NRCAM: variants seen among roughly 807,000 people sequenced by gnomAD.
The protein encoded by NRCAM is NgCAM-related cell adhesion molecule.
In NRCAM, 83 loss-of-function variants were observed where a neutral mutation model predicts 156.5. That is an observed-to-expected ratio of 0.53 (90% CI 0.44 to 0.64). The LOEUF (loss-of-function observed/expected upper bound fraction) is 0.64. Among genes scored for constraint, NRCAM ranks in the 30% least tolerant of loss-of-function variants. The pLI is 0.00. For synonymous variants in NRCAM, 538 were observed against 563.9 expected, an observed-to-expected ratio of 0.95 and a Z score of 0.65; for missense variants, 1,417 against 1,597.3, an observed-to-expected ratio of 0.89 and a Z score of 1.92.
rs1278212215 is a variant in NRCAM at position 108,147,868 on chromosome 7, A to T, written c.*2042T>A. 6.5e-6 allele frequency: 1 copy of T among 152,682 alleles called. No homozygotes were observed. Among genetic ancestry groups the T allele is most frequent in the African/African-American group, 2.4e-5 (1 of 41,460 alleles). 9.5% of individuals were successfully genotyped at this position (152,682 alleles called of 1,614,324 possible). On this transcript the variant is annotated 3_prime_UTR_variant, in exon 33 of 33. Coordinates refer to ENST00000379028, the MANE Select transcript of NRCAM (RefSeq NM_001037132.4). ...TGCACAGATAAATTTCGCATCTACC[A>T]GTATGGAAGAGGAAAAAATGTAGTT...
chr7:108,220,338 A>G (rs1204355125), intron 11 of NRCAM, among the ~76,000 whole-genome samples: 1 of 152,192 alleles, frequency 6.6e-6, no homozygotes, highest in Non-Finnish European at 1.5e-5. Context: ...ACAGAATTAG[A>G]AAAAAACATT....
chr7:108,281,934 G>A (rs1265268140), intron 3 of NRCAM, among the ~76,000 whole-genome samples: 2 of 152,222 alleles, frequency 1.3e-5, no homozygotes, highest in African/African-American at 4.8e-5. Context: ...TCCAGGAGCA[G>A]AACTGCCCCA....
intron 5 of NRCAM, 195 bp from the exon 6 acceptor site, chr7:108,234,883 A>G: frequency 1.4e-6 from 1 of 737,854 alleles, no homozygotes; most frequent in Non-Finnish European, 2.5e-6. Context: ...GTCAAGGTTT[A>G]ACTTTCTTTC....
chr7:108,306,586 T>A (rs1414061765), intron 3 of NRCAM, among the ~76,000 whole-genome samples: 1 of 152,210 alleles, frequency 6.6e-6, no homozygotes, highest in Non-Finnish European at 1.5e-5. Flanking sequence ...AGAAGTCTTA[T>A]GTCTCAAATT....
chr7:108,179,151 G>T (rs2062173209), intron 25 of NRCAM, among the ~76,000 whole-genome samples: 1 of 152,086 alleles, frequency 6.6e-6, no homozygotes, highest in African/African-American at 2.4e-5. Flanking sequence ...AACACTCCCT[G>T]GAAAAATATA....
chr7:108,190,914 A>G (rs1194574145), intron 19 of NRCAM, among the ~76,000 whole-genome samples: 1 of 152,194 alleles, frequency 6.6e-6, no homozygotes, highest in African/African-American at 2.4e-5. Flanking sequence ...TATTAGAAAT[A>G]GCTTTTTCAT....
rs775299945 is a variant in NRCAM, at chr7:108,207,533, A to G, written c.1202T>C (p.Ile401Thr). The G allele has an allele frequency of 2.5e-6, 4 of 1,613,880 alleles. No homozygotes were observed. The South Asian group carries it at 3.3e-5, about 13-fold the overall frequency. ...RISWLTNGVP[I>T]EIAPDDPSRK... ...AACCACTCAAGGCAACTTACTTTCT[A>G]TTGGGACTCCATTTGTTAACCAGCT... The change falls in exon 13 of 33, where the codon ATA becomes ACA. Residue 401 changes from isoleucine to threonine, a missense_variant. Coordinates refer to ENST00000379028, the MANE Select transcript of NRCAM (RefSeq NM_001037132.4).
chr7:108,157,110 CATTG>C, intron 32 of NRCAM, among the ~76,000 whole-genome samples: 1 of 152,176 alleles, frequency 6.6e-6, no homozygotes, highest in African/African-American at 2.4e-5. Flanking sequence ...AAAATTACAT[CATTG>C]AGTTATGTTT....
intron 1 of NRCAM, among the ~76,000 whole-genome samples, chr7:108,420,060 G>A (rs939462303): frequency 3.4e-5 from 5 of 146,330 alleles, no homozygotes; most frequent in African/African-American, 1.4e-4. Flanking sequence ...GTGTGTGTGT[G>A]TGTGTGTGTG....
intron 3 of NRCAM, among the ~76,000 whole-genome samples, chr7:108,303,408 C>T (rs754538423): frequency 1.3e-5 from 2 of 152,178 alleles, no homozygotes; most frequent in Non-Finnish European, 2.9e-5. Flanking sequence ...TCTGCTAGGA[C>T]AGTGGCCCAA....
rs189517745 is a variant in NRCAM, at chr7:108,252,947, A to G, written c.-106-12777T>C. On this transcript the variant is annotated intron_variant, in intron 3 of 32. Transcript: ENST00000379028. ...AAGGCAAGCCTACAAAATTGAGAAG[A>G]AAGTGCAGGCTACTCTGCAGAGGCA... 3.3e-5 allele frequency among the ~76,000 whole-genome samples: 5 copies of G among 152,372 alleles called. No homozygotes were observed. In the East Asian group the frequency reaches 9.6e-4, roughly 29 times the overall value.
At chr7:108,355,926 T>C (rs2154302648) in intron 2 of NRCAM, among the ~76,000 whole-genome samples, 1 of 150,532 alleles carries the variant, frequency 6.6e-6, no homozygotes, top group East Asian at 2.0e-4. Flanking sequence ...GTGAATACAG[T>C]AATACAGTAC....
rs575263181 is a variant in NRCAM, at chr7:108,182,098, T to A, written c.2531-161A>T. 2.0e-4 allele frequency among the ~76,000 whole-genome samples: 18 copies of A among 88,328 alleles called. No individual in the cohort carries two copies. In the Admixed American group the frequency reaches 2.4e-3, roughly 12 times the overall value. The allele number at this position is 88,328 out of a possible 152,430, so 57.9% of individuals were successfully genotyped here. ...ATTTTGGGGTATCTGTTTGACTTTGTGAGAGATTTTTTTTTTTTAAGAGAT... is the reference window on the plus strand; with the variant it reads ...ATTTTGGGGTATCTGTTTGACTTTGAGAGAGATTTTTTTTTTTTAAGAGAT... On this transcript the variant is annotated intron_variant, in intron 23 of 32. Coordinates refer to ENST00000379028, the MANE Select transcript of NRCAM (RefSeq NM_001037132.4).
chr7:108,252,741 C>A (rs1357817519), intron 3 of NRCAM, among the ~76,000 whole-genome samples: 2 of 152,198 alleles, frequency 1.3e-5, no homozygotes, highest in African/African-American at 4.8e-5. Flanking sequence ...AGCCATCAGA[C>A]AAGCTATCAA....
chr7:108,177,408 G>T (rs951459827), intron 26 of NRCAM, among the ~76,000 whole-genome samples: 1 of 152,088 alleles, frequency 6.6e-6, no homozygotes, highest in Non-Finnish European at 1.5e-5. Context: ...CAGATCACGA[G>T]GTCAGGAGAT....
At position 108,195,834 on chromosome 7, in the gene NRCAM, A is replaced by G; in HGVS notation, c.1390T>C (p.Tyr464His). The G allele has an allele frequency of 6.2e-7, 1 of 1,613,678 alleles. No homozygotes were observed. Among genetic ancestry groups the G allele is most frequent in the African/African-American group, 1.3e-5 (1 of 75,038 alleles). ...GCAGGCCTGTTTGCAATGACCTGGT[A>G]GAGTGTGTTTGCAGGTGTGAGGATT... is the stretch of plus-strand genomic sequence containing the variant. ...PRILTPANTL[Y>H]QVIANRPALL... is the part of the protein sequence containing the mutation. The change falls in exon 15 of 33, where the codon TAC (tyrosine) becomes CAC (histidine). Residue 464 changes from tyrosine (Y) to histidine (H), a missense_variant. By Grantham distance (83) the Tyr-to-His change is moderately conservative. Coordinates refer to ENST00000379028, the MANE Select transcript of NRCAM (RefSeq NM_001037132.4).
chr7:108,176,126 T>C (rs889568203), intron 27 of NRCAM, among the ~76,000 whole-genome samples: 5 of 152,138 alleles, frequency 3.3e-5, no homozygotes, highest in African/African-American at 1.2e-4. Context: ...ATATAATATA[T>C]AAAGTTGTAA....
intron 3 of NRCAM, among the ~76,000 whole-genome samples, chr7:108,290,283 A>T (rs993417336): frequency 6.6e-6 from 1 of 152,172 alleles, no homozygotes; most frequent in Non-Finnish European, 1.5e-5. Context: ...CAAACTAAGG[A>T]GGAAAAAGCA....
intron 2 of NRCAM, among the ~76,000 whole-genome samples, chr7:108,344,260 G>A (rs978529780): frequency 1.3e-5 from 2 of 152,162 alleles, no homozygotes; most frequent in African/African-American, 4.8e-5. Flanking sequence ...CACGGGGCTT[G>A]CAACTTACCT....
Sources: allele counts gnomAD v4.1 joint callset (sites outside exome capture counted in the v4.1 genomes callset), GRCh38; gene constraint gnomAD v4.1.1; transcripts MANE v1.5; gene names NCBI Gene and HGNC (gene_info 2026-07-23, HGNC 2026-07-21).